Variants in DMD observed in about 807,000 individuals in gnomAD.
DMD encodes the protein mutant dystrophin.
DMD carries 63 observed loss-of-function variants against 330.1 expected under a neutral mutation model. The observed-to-expected ratio is 0.19, with a 90% CI of 0.16 to 0.24. The LOEUF (loss-of-function observed/expected upper bound fraction) is 0.24. Among genes scored for constraint, DMD ranks in the 10% least tolerant of loss-of-function variants. The pLI, the probability that DMD is intolerant of heterozygous loss-of-function variation, is 1.00. For missense variants in DMD, 3,344 were observed against 2,684.1 expected (o/e 1.25, Z -5.43); for synonymous variants, 1,223 against 959.8 (o/e 1.27, Z -5.07).
intron 1 of DMD, among the ~76,000 whole-genome samples, chrX:33,097,951 T>A (rs1259822255): frequency 1.8e-5 from 2 of 111,338 alleles, no homozygotes; most frequent in Non-Finnish European, 3.8e-5. Flanking sequence ...TAGTCACATA[T>A]GGCTATTGGC....
At chrX:31,176,907 T>A (rs1341244010) in intron 71 of DMD, among the ~76,000 whole-genome samples, 1 of 111,230 alleles carries the variant, frequency 9.0e-6, no homozygotes, top group Non-Finnish European at 1.9e-5. Context: ...TAATATGCAT[T>A]TATCACGACA....
intron 43 of DMD, among the ~76,000 whole-genome samples, chrX:32,241,568 A>G (rs762066745): frequency 8.9e-6 from 1 of 111,973 alleles, no homozygotes; most frequent in South Asian, 3.8e-4. Flanking sequence ...AATCCCAACT[A>G]TCCCGCAGCA....
chrX:31,892,597 C>A (rs1048806112), intron 47 of DMD, among the ~76,000 whole-genome samples: 9 of 111,704 alleles, frequency 8.1e-5, no homozygotes, highest in African/African-American at 2.9e-4. Context: ...CCTACACAAA[C>A]CTAGGTGGTA....
intron 29 of DMD, among the ~76,000 whole-genome samples, chrX:32,416,741 C>T (rs866662708): frequency 9.0e-6 from 1 of 111,315 alleles, no homozygotes; most frequent in Non-Finnish European, 1.9e-5. Flanking sequence ...AAAACCAAAT[C>T]CTACTCAACC....
chrX:32,796,823 C>T (rs1406935815), intron 7 of DMD, among the ~76,000 whole-genome samples: 1 of 111,752 alleles, frequency 8.9e-6, no homozygotes, highest in Admixed American at 9.5e-5. Context: ...AACTATAAAT[C>T]TTCAGGTTTC....
chrX:31,191,747 C>G (rs1419439055), intron 67 of DMD, among the ~76,000 whole-genome samples: 1 of 111,793 alleles, frequency 8.9e-6, no homozygotes. Flanking sequence ...ATGTCTTTAT[C>G]AGCAGCGTGA....
At chrX:32,835,660 C>T (rs1285087760) in intron 4 of DMD, among the ~76,000 whole-genome samples, 1 of 111,534 alleles carries the variant, frequency 9.0e-6, no homozygotes, top group African/African-American at 3.3e-5. Context: ...GTGAGGATAA[C>T]AGGTTAAACG....
intron 5 of DMD, among the ~76,000 whole-genome samples, chrX:32,821,495 G>A (rs756291072): frequency 9.1e-6 from 1 of 110,080 alleles, no homozygotes; most frequent in East Asian, 2.9e-4. Flanking sequence ...GGCTGAGGCA[G>A]GAGAATGGCG....
intron 2 of DMD, among the ~76,000 whole-genome samples, chrX:33,008,829 T>A (rs2093460416): frequency 1.1e-5 from 1 of 90,650 alleles, no homozygotes; most frequent in Admixed American, 1.1e-4. Flanking sequence ...AATGTATACG[T>A]ATATATATAC....
At chrX:32,800,099 TC>T (rs2148681072) in intron 7 of DMD, among the ~76,000 whole-genome samples, 1 of 111,920 alleles carries the variant, frequency 8.9e-6, no homozygotes, top group East Asian at 2.8e-4. Context: ...ATAGCTTCAA[TC>T]CCCCAATAAT....
intron 76 of DMD, among the ~76,000 whole-genome samples, chrX:31,134,447 G>A (rs1309481980): frequency 3.4e-4 from 34 of 99,965 alleles, no homozygotes; most frequent in Admixed American, 2.0e-3. Flanking sequence ...TTTTGAGATG[G>A]AGTCTTGCTC....
At chrX:31,492,380 C>T (rs998063808) in intron 57 of DMD, among the ~76,000 whole-genome samples, 1 of 111,933 alleles carries the variant, frequency 8.9e-6, no homozygotes, top group East Asian at 2.8e-4. Flanking sequence ...CTAGACAGTC[C>T]ATATATGAAA....
At chrX:33,062,050 G>T (rs2094587505) in intron 1 of DMD, among the ~76,000 whole-genome samples, 1 of 112,193 alleles carries the variant, frequency 8.9e-6, no homozygotes, top group Admixed American at 9.5e-5. Flanking sequence ...TCATAGATCT[G>T]TAAGTATTGT....
At chrX:32,275,197 T>TA (rs2097381297) in intron 43 of DMD, among the ~76,000 whole-genome samples, 1 of 111,825 alleles carries the variant, frequency 8.9e-6, no homozygotes, top group Non-Finnish European at 1.9e-5. Flanking sequence ...TAATCTGAAA[T>TA]ATACAAGAAG....
At chrX:33,043,438 T>C (rs1458238686) in intron 1 of DMD, among the ~76,000 whole-genome samples, 3 of 111,427 alleles carry the variant, frequency 2.7e-5, no homozygotes, top group Non-Finnish European at 5.6e-5. Context: ...GTGCTCAGTA[T>C]TTCCAGCCTT....
chrX:32,138,019 C>T (rs187249366), intron 44 of DMD, among the ~76,000 whole-genome samples: 57 of 109,959 alleles, frequency 5.2e-4, no homozygotes, highest in African/African-American at 1.8e-3. Context: ...AATATACATC[C>T]TCATATAATT....
At chrX:32,274,462 T>C (rs1207573946) in intron 43 of DMD, among the ~76,000 whole-genome samples, 1 of 112,050 alleles carries the variant, frequency 8.9e-6, no homozygotes, top group East Asian at 2.8e-4. Context: ...GTTGAAGATA[T>C]AAGGCAAATG....
chrX:32,291,647 T>C (rs1291184156), intron 42 of DMD, among the ~76,000 whole-genome samples: 3 of 111,775 alleles, frequency 2.7e-5, no homozygotes, highest in African/African-American at 6.5e-5. Flanking sequence ...TGTGGTGTCA[T>C]TGGGTAACAG....
At chrX:33,145,780 T>C (rs1335899347) in intron 1 of DMD, among the ~76,000 whole-genome samples, 1 of 110,960 alleles carries the variant, frequency 9.0e-6, no homozygotes, top group Non-Finnish European at 1.9e-5. Flanking sequence ...AATCATTTTA[T>C]TGAGCTATAA....
Sources: gnomAD v4.1 joint callset for allele counts (sites outside exome capture counted in the v4.1 genomes callset) on GRCh38, gnomAD v4.1.1 for gene constraint, MANE v1.5 for transcripts, NCBI Gene and HGNC (gene_info 2026-07-23, HGNC 2026-07-21) for gene names.